Variants in DCLK1 observed in about 807,000 individuals in gnomAD.
DCLK1 encodes the protein serine/threonine-protein kinase DCLK1.
In DCLK1, 16 loss-of-function variants were observed where a neutral mutation model predicts 86.2. That is an observed-to-expected ratio of 0.19 (90% CI 0.13 to 0.28). The LOEUF (loss-of-function observed/expected upper bound fraction) is 0.28. Ranked by LOEUF, DCLK1 falls within the 10% of genes least tolerant of loss-of-function variation. DCLK1 has a pLI of 1.00. For synonymous variants in DCLK1, 369 were observed against 370.5 expected, an observed-to-expected ratio of 1.00 and a Z score of 0.05; for missense variants, 590 against 940.2, an observed-to-expected ratio of 0.63 and a Z score of 4.87.
intron 4 of DCLK1, among the ~76,000 whole-genome samples, chr13:35,910,591 G>C (rs1874958560): frequency 6.6e-6 from 1 of 152,090 alleles, no homozygotes; most frequent in Admixed American, 6.6e-5. Flanking sequence ...AACATGTCTG[G>C]GATGACCAAA....
intron 5 of DCLK1, among the ~76,000 whole-genome samples, chr13:35,863,370 T>G (rs1213317167): frequency 6.6e-6 from 1 of 152,240 alleles, no homozygotes; most frequent in African/African-American, 2.4e-5. Context: ...CAGGAAATAT[T>G]TAATTAACCT....
chr13:35,891,989 T>C (rs1375006071), intron 4 of DCLK1, among the ~76,000 whole-genome samples: 1 of 152,190 alleles, frequency 6.6e-6, no homozygotes, highest in Non-Finnish European at 1.5e-5. Flanking sequence ...CTATATAACA[T>C]AACATGCTAC....
intron 3 of DCLK1, among the ~76,000 whole-genome samples, chr13:35,989,930 T>C (rs369554054): frequency 4.6e-5 from 7 of 152,298 alleles, no homozygotes; most frequent in African/African-American, 1.4e-4. Flanking sequence ...ATAACTGATA[T>C]GTGATAAACT....
intron 3 of DCLK1, among the ~76,000 whole-genome samples, chr13:36,056,585 G>A (rs1883320801): frequency 2.3e-5 from 3 of 128,582 alleles, no homozygotes; most frequent in Admixed American, 8.8e-5. Context: ...CCTGCACAAT[G>A]TGCACATGTA....
chr13:35,802,331 CAA>C lies in DCLK1; in HGVS notation c.1944+3366_1944+3367del, dbSNP rs34124656. 6.9e-3 allele frequency among the ~76,000 whole-genome samples: 670 copies of C among 97,390 alleles called. 4 individuals are homozygous for C. The highest frequency in any genetic ancestry group is 0.023 in the African/African-American group (595 of 25,358). 63.9% of individuals were successfully genotyped at this position (97,390 alleles called of 152,430 possible). A position where few individuals can be genotyped will look rare whatever the true frequency, so the allele number is the denominator to read the frequency against. ...TGGGTGACAGAGTGAGACCCTGTCT[CAA>C]AAAAAAAAAAAAAAAGTAAAATGAT... On this transcript the variant is annotated intron_variant, in intron 15 of 16. Transcript: ENST00000360631.
chr13:35,964,863 T>C (rs1878648017), intron 3 of DCLK1, among the ~76,000 whole-genome samples: 1 of 151,764 alleles, frequency 6.6e-6, no homozygotes, highest in Non-Finnish European at 1.5e-5. Context: ...TCAGTGCCCA[T>C]GAATAAAGTC....
intron 4 of DCLK1, among the ~76,000 whole-genome samples, chr13:35,920,890 C>T (rs961983036): frequency 3.9e-5 from 6 of 151,972 alleles, no homozygotes; most frequent in African/African-American, 2.4e-5. Flanking sequence ...TCACCTATTC[C>T]TCTCCTCACT....
At chr13:36,095,112 G>A (rs1884958256) in intron 3 of DCLK1, among the ~76,000 whole-genome samples, 1 of 151,066 alleles carries the variant, frequency 6.6e-6, no homozygotes, top group Admixed American at 6.6e-5. Flanking sequence ...TTGATAATCA[G>A]TCATGAATGA....
intron 3 of DCLK1, among the ~76,000 whole-genome samples, chr13:35,991,759 T>C (rs1033938126): frequency 1.3e-5 from 2 of 152,192 alleles, no homozygotes; most frequent in African/African-American, 4.8e-5. Flanking sequence ...GAACCTAGGA[T>C]GGAAGAGGAA....
At chr13:35,944,162 G>T (rs2095757684) in intron 4 of DCLK1, among the ~76,000 whole-genome samples, 1 of 152,196 alleles carries the variant, frequency 6.6e-6, no homozygotes, top group Non-Finnish European at 1.5e-5. Context: ...CTTCTCCAAG[G>T]ATGGACCTTA....
intron 3 of DCLK1, among the ~76,000 whole-genome samples, chr13:36,041,492 G>A (rs1882701387): frequency 1.3e-5 from 2 of 152,096 alleles, no homozygotes; most frequent in Admixed American, 6.5e-5. Flanking sequence ...CACTTCCGAT[G>A]TTACTTTGTT....
intron 3 of DCLK1, among the ~76,000 whole-genome samples, chr13:36,026,518 A>G (rs752153914): frequency 6.6e-6 from 1 of 152,230 alleles, no homozygotes; most frequent in Non-Finnish European, 1.5e-5. Flanking sequence ...TCAAAACTGG[A>G]TATATCTTTC....
intron 11 of DCLK1, among the ~76,000 whole-genome samples, chr13:35,814,260 C>T (rs186619508): frequency 2.0e-5 from 3 of 152,310 alleles, no homozygotes; most frequent in South Asian, 2.1e-4. Context: ...AAAGCCTGCA[C>T]GCGCGCACAC....
At chr13:35,977,753 C>T (rs185050379) in intron 3 of DCLK1, among the ~76,000 whole-genome samples, 6 of 151,966 alleles carry the variant, frequency 3.9e-5, no homozygotes, top group Admixed American at 3.9e-4. Context: ...GTCTGCTCTT[C>T]AGTACCTAAG....
At chr13:35,946,369 T>C (rs909815477) in intron 4 of DCLK1, among the ~76,000 whole-genome samples, 13 of 152,234 alleles carry the variant, frequency 8.5e-5, no homozygotes, top group African/African-American at 2.9e-4. Flanking sequence ...TATGTATATA[T>C]GTGTATAATA....
At chr13:36,017,848 A>C (rs1473031546) in intron 3 of DCLK1, among the ~76,000 whole-genome samples, 1 of 152,146 alleles carries the variant, frequency 6.6e-6, no homozygotes, top group Non-Finnish European at 1.5e-5. Flanking sequence ...CACAGACTGC[A>C]AACTCTTTGC....
At chr13:35,813,761 C>T (rs2087204475) in intron 11 of DCLK1, among the ~76,000 whole-genome samples, 1 of 140,818 alleles carries the variant, frequency 7.1e-6, no homozygotes, top group African/African-American at 2.6e-5. Context: ...CTTTAAAAAC[C>T]ACACAGTAGG....
chr13:35,857,792 GA>G (rs1380140570), intron 5 of DCLK1, among the ~76,000 whole-genome samples: 1 of 152,198 alleles, frequency 6.6e-6, no homozygotes, highest in East Asian at 1.9e-4. Context: ...CACAATGAAG[GA>G]AAAGTGTCCT....
intron 4 of DCLK1, among the ~76,000 whole-genome samples, chr13:35,926,639 G>T (rs972677747): frequency 1.3e-5 from 2 of 152,214 alleles, no homozygotes; most frequent in Non-Finnish European, 2.9e-5. Flanking sequence ...TTAATCAAGA[G>T]ATGACAGTTT....
Sources: allele counts gnomAD v4.1 joint callset (sites outside exome capture counted in the v4.1 genomes callset), GRCh38; gene constraint gnomAD v4.1.1; transcripts MANE v1.5; gene names NCBI Gene and HGNC (gene_info 2026-07-23, HGNC 2026-07-21).